The following TMEM168 variants were observed in gnomAD, a reference collection of about 807,000 sequenced individuals.
TMEM168 encodes transmembrane protein 168.
A neutral mutation model predicts 53.2 loss-of-function variants in TMEM168; 40 were observed. The ratio of observed to expected loss-of-function variants is 0.75; its 90% CI spans 0.58 to 0.98. The LOEUF (loss-of-function observed/expected upper bound fraction) is 0.98, where lower values mean the gene tolerates loss of function less well. Ranked by LOEUF, TMEM168 falls within the 50% of genes least tolerant of loss-of-function variation. The pLI is 0.00. For missense variants in TMEM168, 771 were observed against 828.8 expected, an observed-to-expected ratio of 0.93 and a Z score of 0.86; for synonymous variants, 282 against 293.0, an observed-to-expected ratio of 0.96 and a Z score of 0.38.
intron 2 of TMEM168, among the ~76,000 whole-genome samples, chr7:112,780,103 G>A (rs912946003): frequency 3.3e-5 from 5 of 152,148 alleles, no homozygotes; most frequent in African/African-American, 4.8e-5. Flanking sequence ...ACTTCTTTAC[G>A]TGGAAGAAGT....
At chr7:112,770,572 G>T (rs1770342491) in intron 4 of TMEM168, among the ~76,000 whole-genome samples, 1 of 151,346 alleles carries the variant, frequency 6.6e-6, no homozygotes, top group Non-Finnish European at 1.5e-5. Flanking sequence ...TCCTAACAGT[G>T]AATGAAAATT....
At chr7:112,770,740 T>C (rs1315771659) in intron 4 of TMEM168, among the ~76,000 whole-genome samples, 1 of 152,168 alleles carries the variant, frequency 6.6e-6, no homozygotes, top group Non-Finnish European at 1.5e-5. Flanking sequence ...AATTTTAAAT[T>C]ACTTAAGAAA....
rs1323460192 is a variant in TMEM168 at position 112,775,426 on chromosome 7, A to C, written c.1129-108T>G. 3.0e-6 allele frequency: 3 copies of C among 993,454 alleles called. No homozygotes were observed. In the African/African-American group the frequency reaches 5.0e-5, roughly 17 times the overall value. The allele number at this position is 993,454 out of a possible 1,614,324, so 61.5% of individuals were successfully genotyped here. A position where few individuals can be genotyped will look rare whatever the true frequency, so the allele number is the denominator to read the frequency against. ...TTAGCTTCTACTTTCAAAAAGGATA[A>C]AAGGAACAATTAATGATCTAAAAAC... On this transcript the variant is annotated intron_variant, in intron 2 of 4. Coordinates refer to ENST00000312814, the MANE Select transcript of TMEM168 (RefSeq NM_022484.6).
Position 112,775,095 on chromosome 7 carries a change from G to C in TMEM168, c.1271+81C>G, listed in dbSNP as rs1279314592. 17 of 1,171,994 alleles carry C rather than the reference G, an allele frequency of 1.5e-5. No homozygotes were observed. In the African/African-American group the frequency reaches 2.5e-4, roughly 18 times the overall value. The allele number at this position is 1,171,994 out of a possible 1,614,324, so 72.6% of individuals were successfully genotyped here. ...TATATTTTGAAAACAGTTTTGAAAA[G>C]GAGCTATATTTTATTCATATAAATA... On this transcript the variant is annotated intron_variant, in intron 3 of 4. Coordinates refer to ENST00000312814, the MANE Select transcript of TMEM168 (RefSeq NM_022484.6).
chr7:112,775,687 A>G (rs1056398288), intron 2 of TMEM168, among the ~76,000 whole-genome samples: 1 of 152,042 alleles, frequency 6.6e-6, no homozygotes, highest in African/African-American at 2.4e-5. Flanking sequence ...TAAAACCCAC[A>G]TGCCTATGTC....
intron 2 of TMEM168, among the ~76,000 whole-genome samples, chr7:112,780,102 C>A (rs145142899): frequency 6.6e-6 from 1 of 152,114 alleles, no homozygotes; most frequent in Admixed American, 6.5e-5. Flanking sequence ...GACTTCTTTA[C>A]GTGGAAGAAG....
At position 112,763,339 on chromosome 7, in the gene TMEM168, T is replaced by G. The variant is rs1792701981; in HGVS notation, c.*3858A>C. 6.6e-6 allele frequency: 1 copy of G among 152,124 alleles called. No individual in the cohort carries two copies. Among genetic ancestry groups the G allele is most frequent in the African/African-American group, 2.4e-5 (1 of 41,440 alleles). The allele number at this position is 152,124 out of a possible 1,614,324, so 9.4% of individuals were successfully genotyped here. ...TCCATTTAAGTAAAACTAAAGAAAA[T>G]GTAGTAATTTACAATCAAGTTATTC... On this transcript the variant is annotated 3_prime_UTR_variant, in exon 5 of 5. Coordinates refer to ENST00000312814, the MANE Select transcript of TMEM168 (RefSeq NM_022484.6).
At chr7:112,782,676 A>G (rs149434413) in intron 2 of TMEM168, among the ~76,000 whole-genome samples, 2 of 152,300 alleles carry the variant, frequency 1.3e-5, no homozygotes, top group African/African-American at 4.8e-5. Context: ...TGTCCAGGCA[A>G]GTCTTCACAT....
At chr7:112,774,531 G>A (rs897343652) in intron 3 of TMEM168, among the ~76,000 whole-genome samples, 2 of 151,270 alleles carry the variant, frequency 1.3e-5, no homozygotes, top group African/African-American at 2.4e-5. Context: ...CCCAGAGCAC[G>A]TTTTACTATA....
Position 112,772,872 on chromosome 7 carries a change from G to C in TMEM168, c.1455C>G (p.Leu485=), listed in dbSNP as rs756059681. 1 of 1,613,904 alleles carries C rather than the reference G, an allele frequency of 6.2e-7. No individual in the cohort carries two copies. The highest frequency in any genetic ancestry group is 8.5e-7 in the Non-Finnish European group (1 of 1,179,972). Residue 485 remains leucine, a synonymous_variant, in exon 4 of 5, where the codon CTC becomes CTG. Transcript: ENST00000312814. ...DTLHSKLKAF[L]ELRTVDGPRH... ...TGGGTCCATCCACTGTCCGAAGTTC[G>C]AGGAAAGCTTTTAGTTTGGAATGCA...
rs149076085 is a variant in TMEM168, at chr7:112,777,326, ACACT to A, written c.1129-2012_1129-2009del. Among the ~76,000 whole-genome samples, 351 of 152,322 alleles carry A rather than the reference ACACT, an allele frequency of 2.3e-3. 1 individual carries two copies. The highest frequency in any genetic ancestry group is 8.1e-3 in the African/African-American group (336 of 41,578). Reference sequence around the variant, plus strand: ...TGGTCCAATTTTTTCTTCTACAGAAACACTCAATTGTTCAAGCACAAATTACTGA... The same window carrying A: ...TGGTCCAATTTTTTCTTCTACAGAAACAATTGTTCAAGCACAAATTACTGA... On this transcript the variant is annotated intron_variant, in intron 2 of 4. Transcript: ENST00000312814.
intron 1 of TMEM168, among the ~76,000 whole-genome samples, chr7:112,787,250 T>A (rs1793407431): frequency 2.0e-5 from 3 of 152,218 alleles, no homozygotes. Context: ...GCTTCACTTC[T>A]TACCCATTCA....
intron 2 of TMEM168, among the ~76,000 whole-genome samples, chr7:112,781,471 T>G (rs1443490689): frequency 6.6e-6 from 1 of 152,016 alleles, no homozygotes; most frequent in Non-Finnish European, 1.5e-5. Context: ...AACAAACTTA[T>G]AAATAACCCA....
rs1387340880 is a variant in TMEM168, at chr7:112,784,140, A to G, written c.686T>C (p.Phe229Ser). 1.2e-5 allele frequency: 19 copies of G among 1,614,106 alleles called. No individual in the cohort carries two copies. The highest frequency in any genetic ancestry group is 1.7e-5 in the Admixed American group (1 of 60,020). ...AGGATCAGTTATCAGGCAAATAAAA[A>G]AACACGCAAAAGCAATCGGATTTTT... ...TPKNPIAFAC[F>S]FICLITDPFL... is the part of the protein sequence containing the mutation. Residue 229 changes from phenylalanine to serine, a missense_variant, in exon 2 of 5, where the codon TTT becomes TCT. Coordinates refer to ENST00000312814, the MANE Select transcript of TMEM168 (RefSeq NM_022484.6).
intron 2 of TMEM168, among the ~76,000 whole-genome samples, chr7:112,783,155 T>C (rs1394662892): frequency 6.6e-6 from 1 of 152,256 alleles, no homozygotes; most frequent in Non-Finnish European, 1.5e-5. Context: ...ATGTTTTCTT[T>C]CTTAGGATAA....
intron 3 of TMEM168, among the ~76,000 whole-genome samples, chr7:112,774,867 CACCA>C (rs1793033668): frequency 6.6e-6 from 1 of 152,098 alleles, no homozygotes; most frequent in Admixed American, 6.5e-5. Context: ...AGGTGTGAGC[CACCA>C]CGACCAGCCA....
Position 112,784,131 on chromosome 7 carries a change from C to G in TMEM168, c.695G>C (p.Cys232Ser). ...NPIAFACFFI[C>S]LITDPFLDIY... ...GTCAAGGAAAGGATCAGTTATCAGG[C>G]AAATAAAAAAACACGCAAAAGCAAT... The change falls in exon 2 of 5, where the codon TGC (cysteine) becomes TCC (serine). Residue 232 changes from cysteine (C) to serine (S), a missense_variant. Cys to Ser is a moderately radical substitution (Grantham distance 112). Coordinates refer to ENST00000312814, the MANE Select transcript of TMEM168 (RefSeq NM_022484.6). The G allele has an allele frequency of 6.2e-7, 1 of 1,613,718 alleles. No homozygotes were observed. The highest frequency in any genetic ancestry group is 8.5e-7 in the Non-Finnish European group (1 of 1,179,954).
chr7:112,780,736 C>G (rs538366851), intron 2 of TMEM168, among the ~76,000 whole-genome samples: 1 of 152,166 alleles, frequency 6.6e-6, no homozygotes, highest in African/African-American at 2.4e-5. Flanking sequence ...AAACAAAAGT[C>G]AGGCTCAAAA....
At position 112,784,309 on chromosome 7, in the gene TMEM168, A is replaced by C. The variant is rs1448301783; in HGVS notation, c.517T>G (p.Leu173Val). 4 of 1,614,090 alleles carry C rather than the reference A, an allele frequency of 2.5e-6. No homozygotes were observed. The highest frequency in any genetic ancestry group is 3.4e-6 in the Non-Finnish European group (4 of 1,180,040). ...ATGACACTCAGAGACTTCTCCACCA[A>C]CATAGTTGTGCTGGCAATGGCAAAT... The part of the protein sequence containing the change: ...VGFAIASTTM[L>V]VEKSLSVILL... Residue 173 changes from leucine to valine, a missense_variant, in exon 2 of 5, where the codon TTG (leucine) becomes GTG (valine). Coordinates refer to ENST00000312814, the MANE Select transcript of TMEM168 (RefSeq NM_022484.6).
Sources: allele counts gnomAD v4.1 joint callset (sites outside exome capture counted in the v4.1 genomes callset), GRCh38; gene constraint gnomAD v4.1.1; transcripts MANE v1.5; gene names NCBI Gene and HGNC (gene_info 2026-07-23, HGNC 2026-07-21).